EIF4G3: variants seen among roughly 807,000 people sequenced by gnomAD.
EIF4G3 encodes the protein eIF-4-gamma 3.
A neutral mutation model predicts 186.4 loss-of-function variants in EIF4G3; 34 were observed. The observed-to-expected ratio is 0.18, with a 90% CI of 0.14 to 0.24. The LOEUF is 0.24. EIF4G3 is among the 10% of genes least tolerant of loss of function. The probability of loss-of-function intolerance (pLI) is 1.00; values close to 1 mark genes in which losing one functional copy is unlikely to be tolerated. For synonymous variants in EIF4G3, 673 were observed against 679.5 expected (o/e 0.99, Z 0.15); for missense variants, 1,536 against 1,948.5 (o/e 0.79, Z 3.99).
At chr1:21,015,731 C>T (rs564765967) in intron 4 of EIF4G3, among the ~76,000 whole-genome samples, 2 of 120,920 alleles carry the variant, frequency 1.7e-5, no homozygotes, top group Non-Finnish European at 3.3e-5. Flanking sequence ...AGTAGAATGA[C>T]ATTATTCAAC....
chr1:20,827,340 C>T (rs777471353), intron 32 of EIF4G3, among the ~76,000 whole-genome samples: 5 of 152,164 alleles, frequency 3.3e-5, no homozygotes, highest in Non-Finnish European at 7.3e-5. Context: ...AATGATATAT[C>T]CATTTTGTTT....
chr1:21,079,776 C>T (rs558168737), intron 3 of EIF4G3, among the ~76,000 whole-genome samples: 2 of 151,864 alleles, frequency 1.3e-5, no homozygotes, highest in East Asian at 1.9e-4. Context: ...AAGGCTGAGG[C>T]GGGAGAATTG....
At chr1:20,950,361 A>G (rs3767248) in intron 12 of EIF4G3, among the ~76,000 whole-genome samples, 55,385 of 152,032 alleles carry the variant, frequency 0.36, 10,784 homozygotes, top group Non-Finnish European at 0.43. Flanking sequence ...CAGCAAGAGA[A>G]GACAGCACAA....
rs1183533925 is a variant in EIF4G3, at chr1:20,973,075, G to A, written c.518C>T (p.Pro173Leu). The stretch of plus-strand genomic sequence containing the variant: ...TATGATAGGTGCTGACTGATACACC[G>A]GCTGACTTGGGTAAAAAGGCGTTCC... Reference protein sequence around the residue: ...AYGTPFYPSQPVYQSAPIIVP... With the variant: ...AYGTPFYPSQLVYQSAPIIVP... Residue 173 changes from proline (P) to leucine (L), a missense_variant, in exon 11 of 37, where the codon CCG becomes CTG. Pro to Leu is a moderately conservative substitution (Grantham distance 98, BLOSUM62 -3). Coordinates refer to ENST00000602326, the MANE Select transcript of EIF4G3 (RefSeq NM_001391906.1). 7 of 1,610,066 alleles carry A rather than the reference G, an allele frequency of 4.3e-6. No homozygotes were observed. The highest frequency in any genetic ancestry group is 1.3e-5 in the African/African-American group (1 of 74,662).
chr1:20,886,366 C>G lies in EIF4G3; in HGVS notation c.2259G>C (p.Leu753Phe). The G allele has an allele frequency of 6.2e-7, 1 of 1,612,896 alleles. No individual in the cohort carries two copies. The highest frequency in any genetic ancestry group is 2.2e-5 in the East Asian group (1 of 44,866). ...GTTGAGATCTTCGTGACCCAACATT[C>G]AACAACTAGGACAAGAATATTACAG... ...QTPGGRGVPLLNVGSRRSQPG... is the reference protein window; with the variant it reads ...QTPGGRGVPLFNVGSRRSQPG... Residue 753 changes from leucine (L) to phenylalanine (F), a missense_variant, in exon 19 of 37, where the codon TTG (leucine) becomes TTC (phenylalanine). This residue lies in a region of EIF4G3 where 139 missense variants were observed against 192.8 expected (regional missense o/e 0.72). Coordinates refer to ENST00000602326, the MANE Select transcript of EIF4G3 (RefSeq NM_001391906.1).
At chr1:21,174,211 AC>A (rs1270773297) in intron 2 of EIF4G3, among the ~76,000 whole-genome samples, 2 of 152,236 alleles carry the variant, frequency 1.3e-5, no homozygotes, top group African/African-American at 4.8e-5. Flanking sequence ...ACTGGAACTT[AC>A]ACTTAAATTT....
At chr1:21,018,465 C>G (rs1366201640) in intron 4 of EIF4G3, among the ~76,000 whole-genome samples, 2 of 151,732 alleles carry the variant, frequency 1.3e-5, no homozygotes, top group Non-Finnish European at 2.9e-5. Context: ...GAGGTTGAGG[C>G]AGGAGAATCG....
chr1:20,817,369 G>A, intron 34 of EIF4G3, 23 bp downstream of exon 34: 1 of 1,478,122 alleles, frequency 6.8e-7, no homozygotes, highest in Non-Finnish European at 9.1e-7. Flanking sequence ...GAGGTATCAG[G>A]GAAGGTGACA....
intron 10 of EIF4G3, among the ~76,000 whole-genome samples, chr1:20,974,071 G>A (rs184594652): frequency 6.6e-6 from 1 of 152,284 alleles, no homozygotes; most frequent in East Asian, 1.9e-4. Context: ...GATGAGGAAT[G>A]CTGAAGGAAT....
intron 12 of EIF4G3, among the ~76,000 whole-genome samples, chr1:20,963,685 G>A (rs1569647770): frequency 1.3e-5 from 2 of 152,226 alleles, no homozygotes; most frequent in East Asian, 3.9e-4. Flanking sequence ...CGGGCATGGT[G>A]GCTCATGCCT....
rs561290332 is a variant in EIF4G3, at chr1:20,948,004, A to T, written c.823+1999T>A. 2.6e-5 allele frequency among the ~76,000 whole-genome samples: 4 copies of T among 152,292 alleles called. No individual in the cohort carries two copies. The East Asian group carries it at 7.7e-4, about 29-fold the overall frequency. ...CGCAATAATACTGTCTTCAGGAAGGACAGAACTATCATCATCAAAGTATGT... is the reference window on the plus strand; with the variant it reads ...CGCAATAATACTGTCTTCAGGAAGGTCAGAACTATCATCATCAAAGTATGT... On this transcript the variant is annotated intron_variant, in intron 13 of 36. Coordinates refer to ENST00000602326, the MANE Select transcript of EIF4G3 (RefSeq NM_001391906.1).
intron 35 of EIF4G3, among the ~76,000 whole-genome samples, chr1:20,811,803 A>G (rs2059293021): frequency 6.6e-6 from 1 of 152,224 alleles, no homozygotes; most frequent in Admixed American, 6.5e-5. Context: ...TAATTTGTCA[A>G]TCAAAAATAA....
chr1:20,970,198 C>T lies in EIF4G3; in HGVS notation c.592-602G>A, dbSNP rs192286779. Among the ~76,000 whole-genome samples the T allele has an allele frequency of 7.4e-4, 112 of 152,234 alleles. 2 individuals are homozygous for T. The South Asian group carries it at 0.011, about 14-fold the overall frequency. On this transcript the variant is annotated intron_variant, in intron 11 of 36. Coordinates refer to ENST00000602326, the MANE Select transcript of EIF4G3 (RefSeq NM_001391906.1). ...CAAAATAAAAAATATAAATACCCTA[C>T]GAGTTAGGAATAATTTATTCTGACA...
intron 2 of EIF4G3, among the ~76,000 whole-genome samples, chr1:21,142,044 T>A (rs2097349751): frequency 6.6e-6 from 1 of 152,084 alleles, no homozygotes; most frequent in African/African-American, 2.4e-5. Context: ...GTGCCTATAA[T>A]CTCAGTCATT....
chr1:20,830,166 T>A (rs1455690875), intron 30 of EIF4G3, among the ~76,000 whole-genome samples: 2 of 152,200 alleles, frequency 1.3e-5, no homozygotes, highest in African/African-American at 4.8e-5. Context: ...CCCTTTCAGA[T>A]CTCTACAATT....
chr1:21,120,667 A>G (rs2096910920), intron 2 of EIF4G3, among the ~76,000 whole-genome samples: 1 of 152,008 alleles, frequency 6.6e-6, no homozygotes, highest in Non-Finnish European at 1.5e-5. Context: ...AAATACATAT[A>G]GTCTTCAGTA....
chr1:20,820,431 C>T (rs960299308), intron 33 of EIF4G3, among the ~76,000 whole-genome samples: 1 of 152,210 alleles, frequency 6.6e-6, no homozygotes, highest in Non-Finnish European at 1.5e-5. Context: ...TCAGAGTTGC[C>T]TGCTCTCTGA....
chr1:20,837,292 G>C (rs1571358530), intron 30 of EIF4G3, among the ~76,000 whole-genome samples: 1 of 151,928 alleles, frequency 6.6e-6, no homozygotes, highest in South Asian at 2.1e-4. Flanking sequence ...TGCAACCTCT[G>C]ACTCCCTGGT....
chr1:21,093,663 G>A (rs563583789), intron 2 of EIF4G3, among the ~76,000 whole-genome samples: 46 of 152,252 alleles, frequency 3.0e-4, no homozygotes, highest in African/African-American at 1.1e-3. Context: ...TATGTTTACT[G>A]TGGCACAATT....
Sources: gnomAD v4.1 joint callset for allele counts (sites outside exome capture counted in the v4.1 genomes callset) on GRCh38, gnomAD v4.1.1 for gene constraint, gnomAD v4.1.1 regional missense constraint, MANE v1.5 for transcripts, NCBI Gene and HGNC (gene_info 2026-07-23, HGNC 2026-07-21) for gene names.